Variants in CHST11 observed in about 807,000 individuals in gnomAD.
The protein encoded by CHST11 is C4S-1.
CHST11 carries 9 observed loss-of-function variants against 30.4 expected under a neutral mutation model. The observed-to-expected ratio is 0.30, with a 90% CI of 0.18 to 0.52. The LOEUF (loss-of-function observed/expected upper bound fraction) is 0.52. Among genes scored for constraint, CHST11 ranks in the 20% least tolerant of loss-of-function variants. The pLI is 0.97. For missense variants in CHST11, 348 were observed against 460.6 expected (o/e 0.76, Z 2.24); for synonymous variants, 152 against 187.8 (o/e 0.81, Z 1.56).
intron 2 of CHST11, among the ~76,000 whole-genome samples, chr12:104,715,938 C>T (rs773244678): frequency 2.0e-5 from 3 of 152,126 alleles, no homozygotes; most frequent in South Asian, 2.1e-4. Flanking sequence ...ATTAGATCCG[C>T]GTTTAATGGA....
chr12:104,679,557 G>T (rs1454975461), intron 2 of CHST11, among the ~76,000 whole-genome samples: 1 of 152,176 alleles, frequency 6.6e-6, no homozygotes, highest in Non-Finnish European at 1.5e-5. Flanking sequence ...CTCATGCGAA[G>T]TCATTTGCTG....
chr12:104,489,181 C>T (rs2037720787), intron 1 of CHST11, among the ~76,000 whole-genome samples: 3 of 152,134 alleles, frequency 2.0e-5, no homozygotes, highest in Admixed American at 6.5e-5. Flanking sequence ...GGATTACAGG[C>T]GTCCGCCACC....
chr12:104,544,138 A>AAAGAAAGAAAGAAAG (rs538963282), intron 1 of CHST11, among the ~76,000 whole-genome samples: 70 of 71,700 alleles, frequency 9.8e-4, no homozygotes, highest in African/African-American at 2.8e-3. Flanking sequence ...AAAAAAAAAA[A>AAAGAAAGAAAGAAAG]AAAGAAAGAA....
intron 2 of CHST11, among the ~76,000 whole-genome samples, chr12:104,719,901 C>T (rs1414647466): frequency 1.3e-5 from 2 of 152,230 alleles, no homozygotes; most frequent in Non-Finnish European, 2.9e-5. Context: ...CAGGCCATGG[C>T]TTTCCTTGTC....
chr12:104,539,105 A>G (rs1237774627), intron 1 of CHST11, among the ~76,000 whole-genome samples: 2 of 152,216 alleles, frequency 1.3e-5, no homozygotes, highest in African/African-American at 4.8e-5. Context: ...GCAAAAAGTT[A>G]TCTATATATC....
chr12:104,540,198 G>T (rs1162884339), intron 1 of CHST11, among the ~76,000 whole-genome samples: 1 of 152,188 alleles, frequency 6.6e-6, no homozygotes, highest in Non-Finnish European at 1.5e-5. Context: ...ACCCATGAGT[G>T]TGGAACCCAT....
intron 2 of CHST11, among the ~76,000 whole-genome samples, chr12:104,698,442 A>G (rs2039965951): frequency 2.6e-5 from 4 of 152,174 alleles, no homozygotes. Context: ...CCAGTGCAGG[A>G]CTATCTTTTT....
chr12:104,518,073 C>T (rs1439695233), intron 1 of CHST11, among the ~76,000 whole-genome samples: 7 of 151,982 alleles, frequency 4.6e-5, no homozygotes, highest in South Asian at 2.1e-4. Context: ...GGGAGCTTGG[C>T]CCAGGAGCTC....
intron 1 of CHST11, among the ~76,000 whole-genome samples, chr12:104,577,782 G>T (rs574727244): frequency 6.6e-6 from 1 of 152,128 alleles, no homozygotes; most frequent in Non-Finnish European, 1.5e-5. Flanking sequence ...TTCAAATGCC[G>T]CTGACTCAAG....
intron 2 of CHST11, among the ~76,000 whole-genome samples, chr12:104,722,900 A>T (rs17036287): frequency 1.3e-5 from 2 of 152,078 alleles, no homozygotes; most frequent in Non-Finnish European, 2.9e-5. Context: ...AAGGATTTCA[A>T]ACCTGCACAG....
intron 1 of CHST11, among the ~76,000 whole-genome samples, chr12:104,590,438 A>G (rs1242060857): frequency 6.6e-6 from 1 of 152,216 alleles, no homozygotes; most frequent in African/African-American, 2.4e-5. Context: ...TCTTTTGGGA[A>G]AGGCACTTCC....
chr12:104,480,577 CAAAAAAAA>C, intron 1 of CHST11, among the ~76,000 whole-genome samples: 1 of 112,664 alleles, frequency 8.9e-6, no homozygotes, highest in South Asian at 2.9e-4. Context: ...GATTCCATCT[CAAAAAAAA>C]AAAAAAAAAA....
intron 1 of CHST11, among the ~76,000 whole-genome samples, chr12:104,567,048 C>G (rs1420868221): frequency 6.6e-6 from 1 of 152,114 alleles, no homozygotes; most frequent in Non-Finnish European, 1.5e-5. Flanking sequence ...TGGAACACCT[C>G]CCGCCCAATA....
intron 1 of CHST11, among the ~76,000 whole-genome samples, chr12:104,513,770 T>C (rs190478114): frequency 6.6e-6 from 1 of 152,326 alleles, no homozygotes; most frequent in Non-Finnish European, 1.5e-5. Flanking sequence ...TTCTCTGAAT[T>C]GATGATGGAT....
intron 2 of CHST11, among the ~76,000 whole-genome samples, chr12:104,681,962 A>G (rs1051353115): frequency 3.3e-5 from 5 of 149,862 alleles, no homozygotes; most frequent in Non-Finnish European, 5.9e-5. Context: ...TCCCGAGTAG[A>G]TGGGACTACA....
chr12:104,708,783 C>T (rs1315400449), intron 2 of CHST11, among the ~76,000 whole-genome samples: 3 of 152,214 alleles, frequency 2.0e-5, no homozygotes, highest in East Asian at 1.9e-4. Flanking sequence ...GGTCTACTCT[C>T]GCTCCATCTT....
chr12:104,680,986 T>A (rs835480), intron 2 of CHST11, among the ~76,000 whole-genome samples: 1 of 152,038 alleles, frequency 6.6e-6, no homozygotes, highest in East Asian at 1.9e-4. Context: ...CTGGGGATAA[T>A]AATATCTACT....
rs779782743 is a variant in CHST11, at chr12:104,457,422, C to T, written c.11C>T (p.Ala4Val). 2.5e-6 allele frequency: 4 copies of T among 1,613,436 alleles called. No homozygotes were observed. Among genetic ancestry groups the T allele is most frequent in the Admixed American group, 1.7e-5 (1 of 60,022 alleles). Residue 4 changes from alanine (A) to valine (V), a missense_variant, in exon 1 of 3, where the codon GCG (alanine) becomes GTG (valine). Physicochemically the swap from Ala to Val is moderately conservative, Grantham distance 64 (BLOSUM62 0). Coordinates refer to ENST00000303694, the MANE Select transcript of CHST11 (RefSeq NM_018413.6). ...AGCCAGGACAAAGCCATGAAGCCAGCGCTGCTGGAAGTGATGAGGATGAAC... is the reference window on the plus strand; with the variant it reads ...AGCCAGGACAAAGCCATGAAGCCAGTGCTGCTGGAAGTGATGAGGATGAAC... The part of the protein sequence containing the change: MKP[A>V]LLEVMRMNRI...
At chr12:104,682,522 GGATCATT>G (rs1005478127) in intron 2 of CHST11, among the ~76,000 whole-genome samples, 1 of 152,200 alleles carries the variant, frequency 6.6e-6, no homozygotes, top group African/African-American at 2.4e-5. Flanking sequence ...GGACACAAGT[GGATCATT>G]GATATCAGTT....
Sources: allele counts gnomAD v4.1 joint callset (sites outside exome capture counted in the v4.1 genomes callset), GRCh38; gene constraint gnomAD v4.1.1; transcripts MANE v1.5; gene names NCBI Gene and HGNC (gene_info 2026-07-23, HGNC 2026-07-21).